Variants in LIPJ observed in about 807,000 individuals in gnomAD.
LIPJ encodes lipase family member J, also known as lipase member J.
A neutral mutation model predicts 39.8 loss-of-function variants in LIPJ; 33 were observed. The observed-to-expected ratio is 0.83, with a 90% CI of 0.63 to 1.11. LIPJ has a LOEUF of 1.11. Among genes scored for constraint, LIPJ ranks in the 50% least tolerant of loss-of-function variants. The pLI is 0.00. For synonymous variants in LIPJ, 128 were observed against 139.2 expected (o/e 0.92, Z 0.57); for missense variants, 422 against 427.9 (o/e 0.99, Z 0.12).
At chr10:88,619,453 C>CCACACACACACACACACACACA in the LIPJ span, among the ~76,000 whole-genome samples, 16,218 of 146,836 alleles carry the variant, frequency 0.11, 1,120 homozygotes, top group Admixed American at 0.19. Flanking sequence ...CCCCCTCTTG[C>CCACACACACACACACACACACA]CACACACACA....
chr10:88,609,517 G>T (rs1215465030), downstream of LIPJ, among the ~76,000 whole-genome samples: 1 of 152,148 alleles, frequency 6.6e-6, no homozygotes, highest in Non-Finnish European at 1.5e-5. Flanking sequence ...GATAATGGTG[G>T]ACTAAATAAC....
chr10:88,594,075 G>A, exon 5 of LIPJ: 1 of 1,612,240 alleles, frequency 6.2e-7, no homozygotes, highest in Non-Finnish European at 8.5e-7. Flanking sequence ...ATGGGAAATA[G>A]CAGAGGAAAT....
At chr10:88,609,066 C>A (rs1285365657), downstream of LIPJ, among the ~76,000 whole-genome samples, 1 of 152,184 alleles carries the variant, frequency 6.6e-6, no homozygotes, top group Non-Finnish European at 1.5e-5. Flanking sequence ...GTGGAGTATA[C>A]TTTTGTTTTC....
chr10:88,613,206 A>C, the LIPJ span, among the ~76,000 whole-genome samples: 1 of 152,174 alleles, frequency 6.6e-6, no homozygotes, highest in Non-Finnish European at 1.5e-5. Flanking sequence ...CCACAAAAAA[A>C]CTTAGCATGT....
At chr10:88,602,646 A>T in exon 9 of LIPJ, 1 of 1,574,360 alleles carries the variant, frequency 6.4e-7, no homozygotes, top group Non-Finnish European at 8.6e-7. Flanking sequence ...CATTGGAGTC[A>T]GGTATAACTG....
chr10:88,594,110 C>G (rs1008947163), exon 5 of LIPJ: 2 of 1,611,054 alleles, frequency 1.2e-6, no homozygotes, highest in African/African-American at 2.7e-5. Flanking sequence ...ACACTTGTAC[C>G]TAGAAACGAG....
intron 10 of LIPJ, 70 bp downstream of exon 10, chr10:88,605,774 T>G (rs1851646435): frequency 4.3e-6 from 4 of 933,358 alleles, no homozygotes; most frequent in Non-Finnish European, 6.9e-6. Flanking sequence ...AGATCAAGGA[T>G]CAACTGTAAA....
exon 11 of LIPJ, chr10:88,606,675 C>T: frequency 6.3e-7 from 1 of 1,587,722 alleles, no homozygotes; most frequent in Non-Finnish European, 8.6e-7. Context: ...TATTTTCAGA[C>T]AACGTCTCCA....
At chr10:88,616,785 T>C in the LIPJ span, among the ~76,000 whole-genome samples, 5 of 152,220 alleles carry the variant, frequency 3.3e-5, no homozygotes, top group Non-Finnish European at 7.3e-5. Flanking sequence ...GCCTGCTTCC[T>C]GGGGCTTTGC....
chr10:88,621,026 C>T, the LIPJ span, among the ~76,000 whole-genome samples: 1 of 152,138 alleles, frequency 6.6e-6, no homozygotes, highest in African/African-American at 2.4e-5. Flanking sequence ...GAAGATTCTA[C>T]TCTCATGACC....
chr10:88,609,019 AG>A (rs1404349832), downstream of LIPJ, among the ~76,000 whole-genome samples: 1 of 152,190 alleles, frequency 6.6e-6, no homozygotes, highest in Non-Finnish European at 1.5e-5. Flanking sequence ...TTATGTAACC[AG>A]GGTTTTGAGC....
chr10:88,620,131 C>T, the LIPJ span, among the ~76,000 whole-genome samples: 243 of 151,842 alleles, frequency 1.6e-3, 1 homozygote, highest in African/African-American at 5.2e-3. Flanking sequence ...GAGGGACCTT[C>T]GGCAAAATAA....
At chr10:88,588,728 CTGCTTTAGCT>C (rs1478434205) in intron 2 of LIPJ, among the ~76,000 whole-genome samples, 1 of 151,862 alleles carries the variant, frequency 6.6e-6, no homozygotes, top group Non-Finnish European at 1.5e-5. Flanking sequence ...ATATTTTACA[CTGCTTTAGCT>C]TTCATATTAA....
the LIPJ span, among the ~76,000 whole-genome samples, chr10:88,613,883 CAT>C: frequency 7.5e-6 from 1 of 132,756 alleles, no homozygotes; most frequent in Non-Finnish European, 1.6e-5. Context: ...ATATATGTTA[CAT>C]ATATATGTAA....
In LIPJ at chr10:88,590,791, G is replaced by A. The variant is rs1022627193; in HGVS notation, c.9+95G>A. On this transcript the variant is annotated intron_variant, in intron 3 of 10. Transcript: ENST00000371939. ...TAACTTAATAGATTTACAGTCAAAC[G>A]TATACATCTATATGTTAATATTTCT... 9.6e-5 allele frequency: 81 copies of A among 848,068 alleles called. No homozygotes were observed. The Admixed American group carries it at 1.4e-3, about 15-fold the overall frequency. 52.5% of individuals were successfully genotyped at this position (848,068 alleles called of 1,614,324 possible).
chr10:88,587,160 G>A (rs1222440279), intron 1 of LIPJ, 106 bp from the exon 2 acceptor site: 4 of 151,544 alleles, frequency 2.6e-5, no homozygotes, highest in African/African-American at 7.3e-5. Context: ...TCGTCAAGAT[G>A]TGAATGTATT....
In LIPJ at chr10:88,596,549, C is replaced by A. The variant is rs1851261455; in HGVS notation, c.576+133C>A. 6.1e-6 allele frequency: 6 copies of A among 990,502 alleles called. No homozygotes were observed. In the Admixed American group the frequency reaches 1.3e-4, roughly 21 times the overall value. The allele number at this position is 990,502 out of a possible 1,614,324, so 61.4% of individuals were successfully genotyped here. The stretch of plus-strand genomic sequence containing the variant: ...TTTTTGGTTTCATTTACACTACATT[C>A]TTGTTTTTGTTTCTGCAAAGGAATA... On this transcript the variant is annotated intron_variant, in intron 7 of 10. Transcript: ENST00000371939.
chr10:88,619,453 C>CCACACA, the LIPJ span, among the ~76,000 whole-genome samples: 18 of 147,050 alleles, frequency 1.2e-4, no homozygotes, highest in South Asian at 1.3e-3. Context: ...CCCCCTCTTG[C>CCACACA]CACACACACA....
exon 5 of LIPJ, chr10:88,593,996 A>C: frequency 6.2e-7 from 1 of 1,612,402 alleles, no homozygotes; most frequent in Non-Finnish European, 8.5e-7. Flanking sequence ...ATCTGCCAGC[A>C]GCTGGATTTC....
Sources: gnomAD v4.1 joint callset for allele counts (sites outside exome capture counted in the v4.1 genomes callset) on GRCh38, gnomAD v4.1.1 for gene constraint, MANE v1.5 for transcripts, NCBI Gene and HGNC (gene_info 2026-07-23, HGNC 2026-07-21) for gene names.